The following CADM2 variants were observed in gnomAD, a reference collection of about 807,000 sequenced individuals.
The protein encoded by CADM2 is immunoglobulin superfamily member 4D.
CADM2 carries 12 observed loss-of-function variants against 49.8 expected under a neutral mutation model. That is an observed-to-expected ratio of 0.24 (90% CI 0.15 to 0.39). The LOEUF (loss-of-function observed/expected upper bound fraction) is 0.39, where lower values mean the gene tolerates loss of function less well. Among genes scored for constraint, CADM2 ranks in the 10% least tolerant of loss-of-function variants. CADM2 has a pLI of 1.00. For missense variants in CADM2, 378 were observed against 492.3 expected, an observed-to-expected ratio of 0.77 and a Z score of 2.20; for synonymous variants, 214 against 175.4, an observed-to-expected ratio of 1.22 and a Z score of -1.74.
chr3:85,767,997 A>G (rs1020976674), intron 2 of CADM2, among the ~76,000 whole-genome samples: 5 of 152,160 alleles, frequency 3.3e-5, no homozygotes, highest in African/African-American at 9.7e-5. Context: ...TTTGTTGATT[A>G]TAACTGATTA....
intron 1 of CADM2, among the ~76,000 whole-genome samples, chr3:84,965,686 G>T (rs1265397623): frequency 1.3e-5 from 2 of 152,140 alleles, no homozygotes; most frequent in Non-Finnish European, 2.9e-5. Flanking sequence ...CTTAATAACT[G>T]TTGGGCTGGG....
chr3:85,043,499 G>T (rs937708243), intron 1 of CADM2, among the ~76,000 whole-genome samples: 2 of 151,680 alleles, frequency 1.3e-5, no homozygotes, highest in African/African-American at 4.8e-5. Flanking sequence ...GGGCAACTTC[G>T]TAAGGCCCCA....
chr3:86,044,854 A>G (rs1156987385), intron 8 of CADM2, among the ~76,000 whole-genome samples: 2 of 152,216 alleles, frequency 1.3e-5, no homozygotes, highest in Non-Finnish European at 2.9e-5. Context: ...TGTGTCACAT[A>G]TACACCATGA....
At chr3:85,237,564 A>T (rs1490808443) in intron 1 of CADM2, among the ~76,000 whole-genome samples, 1 of 151,318 alleles carries the variant, frequency 6.6e-6, no homozygotes, top group African/African-American at 2.4e-5. Flanking sequence ...ACATAAATAT[A>T]AATTTAAATT....
chr3:85,705,753 A>C (rs2066928266), intron 1 of CADM2, among the ~76,000 whole-genome samples: 2 of 152,250 alleles, frequency 1.3e-5, no homozygotes, highest in Non-Finnish European at 2.9e-5. Flanking sequence ...GTGGTGACAC[A>C]CAAAACTTCA....
At chr3:86,056,019 G>A (rs1253058162) in intron 8 of CADM2, among the ~76,000 whole-genome samples, 4 of 152,104 alleles carry the variant, frequency 2.6e-5, no homozygotes, top group Non-Finnish European at 1.5e-5. Flanking sequence ...AGCAGCAAAT[G>A]GCCCCATGGT....
chr3:85,386,944 T>C (rs186430363), intron 1 of CADM2, among the ~76,000 whole-genome samples: 33 of 152,298 alleles, frequency 2.2e-4, no homozygotes, highest in Admixed American at 2.0e-3. Flanking sequence ...CAGTATGTTG[T>C]ATCTTTATTT....
chr3:84,998,120 G>A (rs144120291), intron 1 of CADM2, among the ~76,000 whole-genome samples: 150 of 152,196 alleles, frequency 9.9e-4, no homozygotes, highest in African/African-American at 3.6e-3. Context: ...TTCCTTATCT[G>A]TTGTTTCCCA....
intron 1 of CADM2, among the ~76,000 whole-genome samples, chr3:85,665,839 A>G (rs1329447682): frequency 1.3e-5 from 2 of 152,026 alleles, no homozygotes; most frequent in African/African-American, 4.8e-5. Flanking sequence ...ATCTTTTCAA[A>G]TAAATCTTAT....
Position 85,681,580 on chromosome 3 carries a change from A to G in CADM2, c.62-44942A>G, listed in dbSNP as rs2066040341. ...TGATTTATGATATCAGAACGGCATA[A>G]CATGTTAAAGCTGAAAGTGACCTTA... On this transcript the variant is annotated intron_variant, in intron 1 of 9. Coordinates refer to ENST00000383699, the MANE Select transcript of CADM2 (RefSeq NM_001167675.2). Among the ~76,000 whole-genome samples the G allele has an allele frequency of 2.0e-5, 3 of 152,210 alleles. No homozygotes were observed. The South Asian group carries it at 6.2e-4, about 32-fold the overall frequency.
At chr3:86,013,001 A>G in intron 8 of CADM2, 2 of 933,410 alleles carry the variant, frequency 2.1e-6, no homozygotes, top group South Asian at 1.3e-5. Flanking sequence ...CTGATCAGCT[A>G]AATAAACATT....
At chr3:85,176,029 C>G (rs2040777263) in intron 1 of CADM2, among the ~76,000 whole-genome samples, 1 of 149,458 alleles carries the variant, frequency 6.7e-6, no homozygotes, top group Admixed American at 6.7e-5. Flanking sequence ...CCCGGGTTCA[C>G]GCCATTCTCC....
chr3:85,821,401 T>A (rs2073558238), intron 3 of CADM2, among the ~76,000 whole-genome samples: 1 of 152,288 alleles, frequency 6.6e-6, no homozygotes, highest in East Asian at 1.9e-4. Context: ...CTGCAAGTTA[T>A]TTTAAGTCTA....
intron 3 of CADM2, among the ~76,000 whole-genome samples, chr3:85,823,304 T>G (rs2073706595): frequency 6.6e-6 from 1 of 152,176 alleles, no homozygotes. Flanking sequence ...ACCCTGATAT[T>G]TAGCTGATAC....
chr3:85,315,254 T>C (rs1359370727), intron 1 of CADM2, among the ~76,000 whole-genome samples: 1 of 152,122 alleles, frequency 6.6e-6, no homozygotes, highest in Non-Finnish European at 1.5e-5. Context: ...CTCTTGAAAG[T>C]ATTCTCCCCT....
chr3:85,224,952 T>A (rs1021995581), intron 1 of CADM2, among the ~76,000 whole-genome samples: 10 of 152,160 alleles, frequency 6.6e-5, no homozygotes, highest in African/African-American at 2.4e-4. Context: ...TCTGTTCCAT[T>A]GGTCTATATA....
chr3:85,577,984 T>TTCCTTCCTTCCTTCC (rs2062685649), intron 1 of CADM2, among the ~76,000 whole-genome samples: 25 of 134,266 alleles, frequency 1.9e-4, no homozygotes, highest in African/African-American at 7.2e-4. Flanking sequence ...TATTAATCTC[T>TTCCTTCCTTCCTTCC]TTCCTTCCTT....
In CADM2 at chr3:85,694,636, T is replaced by C. The variant is rs546539449; in HGVS notation, c.62-31886T>C. ...GCAATTTATAAATATTTATTCATAC[T>C]TTTCTTCATTTGATCATTTAATTAA... On this transcript the variant is annotated intron_variant, in intron 1 of 9. Transcript: ENST00000383699. Among the ~76,000 whole-genome samples the C allele has an allele frequency of 4.6e-4, 70 of 152,360 alleles. 1 individual carries two copies. Among genetic ancestry groups the C allele is most frequent in the African/African-American group, 1.6e-3 (68 of 41,590 alleles).
chr3:85,862,876 G>A (rs940367568), intron 3 of CADM2, among the ~76,000 whole-genome samples: 1 of 152,072 alleles, frequency 6.6e-6, no homozygotes, highest in Non-Finnish European at 1.5e-5. Context: ...TGAAAAAATG[G>A]AGGCATAAGA....
Sources: gnomAD v4.1 joint callset for allele counts (sites outside exome capture counted in the v4.1 genomes callset) on GRCh38, gnomAD v4.1.1 for gene constraint, MANE v1.5 for transcripts, NCBI Gene and HGNC (gene_info 2026-07-23, HGNC 2026-07-21) for gene names.